Variants in M6PR observed in about 807,000 individuals in gnomAD.
The protein encoded by M6PR is cation-dependent mannose-6-phosphate receptor.
In M6PR, 19 loss-of-function variants were observed where a neutral mutation model predicts 33.1. That is an observed-to-expected ratio of 0.57 (90% CI 0.40 to 0.84). The LOEUF (loss-of-function observed/expected upper bound fraction) is 0.84, where lower values mean the gene tolerates loss of function less well. Among genes scored for constraint, M6PR ranks in the 40% least tolerant of loss-of-function variants. The probability of loss-of-function intolerance (pLI) is 0.00; values close to 1 mark genes in which losing one functional copy is unlikely to be tolerated. For synonymous variants in M6PR, 111 were observed against 123.4 expected (o/e 0.90, Z 0.67); for missense variants, 295 against 336.0 (o/e 0.88, Z 0.95).
At chr12:8,944,889 G>A (rs966169957) in intron 3 of M6PR, among the ~76,000 whole-genome samples, 43 of 152,184 alleles carry the variant, frequency 2.8e-4, no homozygotes, top group South Asian at 2.1e-4. Flanking sequence ...GGCTGGGCGC[G>A]GTGGTTCATG....
Position 8,941,889 on chromosome 12 carries a change from A to G in M6PR, c.763T>C (p.Tyr255His), listed in dbSNP as rs768391620. Residue 255 changes from tyrosine to histidine, a missense_variant, in exon 7 of 7, where the codon TAT becomes CAT. Transcript: ENST00000000412. ...RSKPRNVPAA[Y>H]RGVGDDQLGE... ...AGCTGGTCATCCCCCACACCACGAT[A>G]TGCTGCAGGCACATTTCGAGGTTTA... 1.9e-6 allele frequency: 3 copies of G among 1,614,192 alleles called. No homozygotes were observed. Among genetic ancestry groups the G allele is most frequent in the Admixed American group, 1.7e-5 (1 of 60,024 alleles).
Position 8,943,552 on chromosome 12 carries a change from A to C in M6PR, c.454-17T>G. On this transcript the variant is annotated splice_polypyrimidine_tract_variant and intron_variant, in intron 4 of 6. Coordinates refer to ENST00000000412, the MANE Select transcript of M6PR (RefSeq NM_002355.4). ...AAAATTGTCCTGATGATGAGATGGC[A>C]TAACACATTCAGGTGGTTAAGTGTT... The C allele has an allele frequency of 6.2e-7, 1 of 1,614,168 alleles. No homozygotes were observed. The highest frequency in any genetic ancestry group is 1.1e-5 in the South Asian group (1 of 91,084).
chr12:8,942,182 G>A (rs879356258), intron 6 of M6PR: 8 of 678,744 alleles, frequency 1.2e-5, no homozygotes, highest in African/African-American at 1.8e-5. Flanking sequence ...ATTTAGAAGA[G>A]CCCATCTGGT....
chr12:8,947,192 T>C (rs1321032112), intron 1 of M6PR, among the ~76,000 whole-genome samples: 1 of 152,224 alleles, frequency 6.6e-6, no homozygotes, highest in Non-Finnish European at 1.5e-5. Context: ...GCTGCAAGTC[T>C]GGACTTTGGT....
Position 8,949,295 on chromosome 12 carries a change from TCTCC to T in M6PR, c.-2+189_-2+192del, listed in dbSNP as rs771329078. Among the ~76,000 whole-genome samples the T allele has an allele frequency of 6.6e-5, 10 of 152,060 alleles. 1 individual carries two copies. Among genetic ancestry groups the T allele is most frequent in the Non-Finnish European group, 1.3e-4 (9 of 68,012 alleles). Reference sequence around the variant, plus strand: ...CCCCTCTCTGGTCTTGGAAGTCCTTTCTCCCTCACACCTTTCGGAACTCCGTGAC... The same window carrying T: ...CCCCTCTCTGGTCTTGGAAGTCCTTTCTCACACCTTTCGGAACTCCGTGAC... On this transcript the variant is annotated intron_variant, in intron 1 of 6. Transcript: ENST00000000412. The surrounding 1 kb of genome is among the most constrained non-coding windows in gnomAD (Gnocchi z 5.6).
chr12:8,945,464 C>T lies in M6PR; in HGVS notation c.297G>A (p.Lys99=). 1 of 1,614,138 alleles carries T rather than the reference C, an allele frequency of 6.2e-7. No individual in the cohort carries two copies. Among genetic ancestry groups the T allele is most frequent in the Non-Finnish European group, 8.5e-7 (1 of 1,180,016 alleles). The part of the protein sequence containing the change: ...GLVQINKSNG[K]ETVVGRLNET... ...CGTTGAGTCTCCCTACCACTGTCTC[C>T]TTCCCATTACTTTTGTTGATTTGCA... The change falls in exon 3 of 7, where the codon AAG becomes AAA. Residue 99 remains lysine (K), a synonymous_variant. Transcript: ENST00000000412.
intron 3 of M6PR, among the ~76,000 whole-genome samples, chr12:8,944,886 C>T (rs1437238197): frequency 3.9e-5 from 6 of 151,960 alleles, no homozygotes; most frequent in African/African-American, 1.2e-4. Flanking sequence ...GTTGGCTGGG[C>T]GCGGTGGTTC....
Position 8,946,375 on chromosome 12 carries a change from A to C in M6PR, c.30T>G (p.Thr10=), listed in dbSNP as rs746210877. 1 of 1,613,610 alleles carries C rather than the reference A, an allele frequency of 6.2e-7. No individual in the cohort carries two copies. The highest frequency in any genetic ancestry group is 8.5e-7 in the Non-Finnish European group (1 of 1,179,882). ...CAGCCAGGAGTAGTAGTAGCAGTCCAGTCCTCCAGCAGCTGTAGAAAGGGA... is the reference window on the plus strand; with the variant it reads ...CAGCCAGGAGTAGTAGTAGCAGTCCCGTCCTCCAGCAGCTGTAGAAAGGGA... MFPFYSCWR[T]GLLLLLLAVA... Residue 10 remains threonine (T), a synonymous_variant, in exon 2 of 7, where the codon ACT becomes ACG. Transcript: ENST00000000412.
chr12:8,946,132 T>A, intron 2 of M6PR, 97 bp downstream of exon 2: 1 of 1,246,426 alleles, frequency 8.0e-7, no homozygotes, highest in South Asian at 1.5e-5. Flanking sequence ...ATTTGCTCTA[T>A]GTCATAAAAG....
At position 8,945,454 on chromosome 12, in the gene M6PR, C is replaced by T. The variant is rs374175866; in HGVS notation, c.307G>A (p.Val103Ile). 7 of 1,614,010 alleles carry T rather than the reference C, an allele frequency of 4.3e-6. No homozygotes were observed. The African/African-American group carries it at 8.0e-5, about 18-fold the overall frequency. The change falls in exon 3 of 7, where the codon GTA (valine) becomes ATA (isoleucine). Residue 103 changes from valine to isoleucine, a missense_variant. Val to Ile is a conservative substitution (Grantham distance 29). Transcript: ENST00000000412. ...ATGTGAGTCTCGTTGAGTCTCCCTA[C>T]CACTGTCTCCTTCCCATTACTTTTG... ...INKSNGKETV[V>I]GRLNETHIFN...
At chr12:8,942,367 C>G in intron 6 of M6PR, 49 bp downstream of exon 6, 1 of 1,613,778 alleles carries the variant, frequency 6.2e-7, no homozygotes, top group South Asian at 1.1e-5. Flanking sequence ...GGTTGGTCAC[C>G]CAACCTTGTT....
At chr12:8,945,374 G>T in intron 3 of M6PR, 44 bp downstream of exon 3, 5 of 1,595,500 alleles carry the variant, frequency 3.1e-6, no homozygotes, top group Non-Finnish European at 3.4e-6. Context: ...GGATTGACTT[G>T]GGATCAGTTA....
chr12:8,943,933 G>A (rs759496651), intron 3 of M6PR, 23 bp from the exon 4 acceptor site: 1 of 1,514,286 alleles, frequency 6.6e-7, no homozygotes, highest in Non-Finnish European at 9.2e-7. Context: ...AAGGAAAATG[G>A]AGCTATGGGG....
intron 3 of M6PR, among the ~76,000 whole-genome samples, chr12:8,944,505 C>G (rs1297436402): frequency 1.3e-5 from 2 of 152,188 alleles, no homozygotes; most frequent in African/African-American, 4.8e-5. Context: ...GGAGGAGAAC[C>G]TGGTCACATG....
Position 8,943,406 on chromosome 12 carries a change from T to G in M6PR, c.583A>C (p.Thr195Pro). ...HLSVGSILLV[T>P]FASLVAVYVV... ...TCTGATAAAGGAAGGCATACTCACG[T>G]GACAAGTAAGATGGAACCCACACTG... Residue 195 changes from threonine to proline, a missense_variant and splice_region_variant, in exon 5 of 7, where the codon ACG becomes CCG. Transcript: ENST00000000412. 6.2e-7 allele frequency: 1 copy of G among 1,614,114 alleles called. No individual in the cohort carries two copies. The highest frequency in any genetic ancestry group is 8.5e-7 in the Non-Finnish European group (1 of 1,179,962).
rs1310751373 is a variant in M6PR, at chr12:8,940,402, A to C, written c.*1416T>G. On this transcript the variant is annotated 3_prime_UTR_variant, in exon 7 of 7. Transcript: ENST00000000412. ...TTTAATCATTAAGAGTTTTTGTACA[A>C]AAGGTGATGGTTTTTTTTCTTCATT... 2 of 187,592 alleles carry C rather than the reference A, an allele frequency of 1.1e-5. No homozygotes were observed. Among genetic ancestry groups the C allele is most frequent in the Non-Finnish European group, 2.3e-5 (2 of 88,468 alleles). 11.6% of individuals were successfully genotyped at this position (187,592 alleles called of 1,614,324 possible).
At chr12:8,943,723 C>T (rs1946058145) in intron 4 of M6PR, 78 bp downstream of exon 4, 4 of 1,383,436 alleles carry the variant, frequency 2.9e-6, no homozygotes, top group Non-Finnish European at 3.1e-6. Context: ...GTATCGTGTC[C>T]CCTCTGGATA....
At chr12:8,942,679 GA>G in intron 5 of M6PR, 137 bp from the exon 6 acceptor site, 2 of 884,008 alleles carry the variant, frequency 2.3e-6, no homozygotes, top group Non-Finnish European at 3.4e-6. Context: ...GATACTAAAT[GA>G]AAAAGGGGGC....
chr12:8,945,043 A>C (rs1363435178), intron 3 of M6PR, among the ~76,000 whole-genome samples: 1 of 152,206 alleles, frequency 6.6e-6, no homozygotes, highest in Non-Finnish European at 1.5e-5. Flanking sequence ...CTGTAGTCCC[A>C]GCTACTCAGG....
Sources: gnomAD v4.1 joint callset for allele counts (sites outside exome capture counted in the v4.1 genomes callset) on GRCh38, gnomAD v4.1.1 for gene constraint, Gnocchi (gnomAD v3.1) non-coding constraint, MANE v1.5 for transcripts, NCBI Gene and HGNC (gene_info 2026-07-23, HGNC 2026-07-21) for gene names.